Variants in EPB41L1 observed in about 807,000 individuals in gnomAD.
EPB41L1 encodes band 4.1-like protein 1.
EPB41L1 carries 29 observed loss-of-function variants against 97.8 expected under a neutral mutation model. The ratio of observed to expected loss-of-function variants is 0.30; its 90% CI spans 0.22 to 0.40. EPB41L1 has a LOEUF of 0.40. Ranked by LOEUF, EPB41L1 falls within the 10% of genes least tolerant of loss-of-function variation. The pLI, the probability that EPB41L1 is intolerant of heterozygous loss-of-function variation, is 1.00. For missense variants in EPB41L1, 812 were observed against 1,162.3 expected, an observed-to-expected ratio of 0.70 and a Z score of 4.38; for synonymous variants, 383 against 459.2, an observed-to-expected ratio of 0.83 and a Z score of 2.12.
intron 21 of EPB41L1, among the ~76,000 whole-genome samples, chr20:36,224,435 G>A (rs1485754634): frequency 6.6e-6 from 1 of 152,148 alleles, no homozygotes; most frequent in African/African-American, 2.4e-5. Flanking sequence ...ATCACCTGAG[G>A]TCAGGAGTTT....
In EPB41L1 at chr20:36,209,910, C is replaced by A. The variant is rs772069986; in HGVS notation, c.2079+12C>A. ...TGCCCCAGTTTGAGGTACAGTGGAG[C>A]TTCCTCAAGAGCCAGGCCCGCTGGG... On this transcript the variant is annotated intron_variant, in intron 15 of 21. Coordinates refer to ENST00000338074, the MANE Select transcript of EPB41L1 (RefSeq NM_012156.2). The surrounding 1 kb of genome is among the most constrained non-coding windows in gnomAD (Gnocchi z 4.2). 22 of 1,612,520 alleles carry A rather than the reference C, an allele frequency of 1.4e-5. No individual in the cohort carries two copies. In the East Asian group the frequency reaches 1.6e-4, roughly 11 times the overall value.
chr20:36,119,699 C>T (rs2058693192), intron 2 of EPB41L1, among the ~76,000 whole-genome samples: 1 of 151,498 alleles, frequency 6.6e-6, no homozygotes, highest in African/African-American at 2.4e-5. Context: ...AGGAAAGGGA[C>T]AAGGTGGGCA....
chr20:36,204,471 CTTTTTTT>C (rs765673962), intron 14 of EPB41L1, among the ~76,000 whole-genome samples: 17 of 90,602 alleles, frequency 1.9e-4, no homozygotes, highest in African/African-American at 6.9e-4. Flanking sequence ...CGATCTGGTG[CTTTTTTT>C]TTTTTTTTTT....
chr20:36,207,175 G>C lies in EPB41L1; in HGVS notation c.1669-2313G>C, dbSNP rs1456541184. Reference sequence around the variant, plus strand: ...CTCCCATGGGTCAGGGGAGCCTTCGGAGCTCAGGGAGCCCTTTCTTAGACA... The same window carrying C: ...CTCCCATGGGTCAGGGGAGCCTTCGCAGCTCAGGGAGCCCTTTCTTAGACA... On this transcript the variant is annotated intron_variant, in intron 14 of 21. Coordinates refer to ENST00000338074, the MANE Select transcript of EPB41L1 (RefSeq NM_012156.2). This position sits in a 1 kb window ranked among gnomAD's most constrained non-coding sequence, Gnocchi z 4.9. 2.3e-6 allele frequency: 3 copies of C among 1,288,510 alleles called. No individual in the cohort carries two copies. Among genetic ancestry groups the C allele is most frequent in the Admixed American group, 4.6e-5 (2 of 43,496 alleles). 79.8% of individuals were successfully genotyped at this position (1,288,510 alleles called of 1,614,324 possible). A position where few individuals can be genotyped will look rare whatever the true frequency, so the allele number is the denominator to read the frequency against.
chr20:36,228,832 C>T (rs1381421610), intron 21 of EPB41L1, among the ~76,000 whole-genome samples: 1 of 151,500 alleles, frequency 6.6e-6, no homozygotes, highest in Non-Finnish European at 1.5e-5. Flanking sequence ...CATCTGCAAT[C>T]GTGACTAAAC....
chr20:36,184,056 G>A (rs563451639), intron 6 of EPB41L1, among the ~76,000 whole-genome samples: 11 of 152,210 alleles, frequency 7.2e-5, no homozygotes, highest in African/African-American at 2.6e-4. Flanking sequence ...GCAACGTGGC[G>A]AAACCTTGTC....
chr20:36,209,869 T>C lies in EPB41L1; in HGVS notation c.2050T>C (p.Cys684Arg), dbSNP rs755641146. The change falls in exon 15 of 22, where the codon TGC (cysteine) becomes CGC (arginine). Residue 684 changes from cysteine to arginine, a missense_variant. Coordinates refer to ENST00000338074, the MANE Select transcript of EPB41L1 (RefSeq NM_012156.2). This position sits in a 1 kb window ranked among gnomAD's most constrained non-coding sequence, Gnocchi z 4.2. ...TGAGGACAGCCCGGATCGAGGGGCC[T>C]GCTCCACCCCGGATATGCCCCAGTT... ...GIEDSPDRGA[C>R]STPDMPQFEP... 6.2e-5 allele frequency: 100 copies of C among 1,613,348 alleles called. No individual in the cohort carries two copies. The South Asian group carries it at 1.1e-3, about 18-fold the overall frequency.
chr20:36,127,422 G>A (rs1010611878), intron 2 of EPB41L1, among the ~76,000 whole-genome samples: 1 of 152,168 alleles, frequency 6.6e-6, no homozygotes, highest in Admixed American at 6.5e-5. Context: ...CTTCCCTGAG[G>A]TGAGAGACGA....
At chr20:36,130,815 C>CTT (rs1555836418) in intron 2 of EPB41L1, among the ~76,000 whole-genome samples, 1 of 149,060 alleles carries the variant, frequency 6.7e-6, no homozygotes, top group Non-Finnish European at 1.5e-5. Context: ...CTCTCTCTCT[C>CTT]TTTTTTTCCC....
chr20:36,112,079 C>T (rs544945215), intron 1 of EPB41L1, among the ~76,000 whole-genome samples: 1 of 152,244 alleles, frequency 6.6e-6, no homozygotes, highest in Admixed American at 6.5e-5. Flanking sequence ...ATCATATCTC[C>T]GCTGGATAAT....
intron 21 of EPB41L1, among the ~76,000 whole-genome samples, chr20:36,223,312 G>A (rs2063902272): frequency 6.6e-6 from 1 of 152,230 alleles, no homozygotes; most frequent in African/African-American, 2.4e-5. Context: ...GGGATTACAG[G>A]CATGAGCCAC....
intron 2 of EPB41L1, among the ~76,000 whole-genome samples, chr20:36,146,848 GAA>G (rs746670753): frequency 7.5e-6 from 1 of 133,420 alleles, no homozygotes. Context: ...CTGTTGAAAA[GAA>G]AAAAAAAAAA....
intron 1 of EPB41L1, among the ~76,000 whole-genome samples, chr20:36,109,189 C>A (rs548580250): frequency 1.6e-4 from 24 of 152,132 alleles, no homozygotes; most frequent in African/African-American, 5.8e-4. Flanking sequence ...CGTCATGATC[C>A]GCCTGCCTCG....
chr20:36,116,957 T>C (rs540565499), intron 2 of EPB41L1, among the ~76,000 whole-genome samples: 2 of 152,322 alleles, frequency 1.3e-5, no homozygotes, highest in South Asian at 4.1e-4. Flanking sequence ...AGTCAGGGGT[T>C]TTATTACCCC....
rs926083091 is a variant in EPB41L1 at position 36,092,385 on chromosome 20, A to T, written c.-65+773A>T. ...CGCAGCTCAGGTTGACGCCGGGCCC[A>T]CGTGGGGAAGCCGGCGGCGGGTCCC... On this transcript the variant is annotated intron_variant, in intron 1 of 19. Transcript: ENST00000202028. This position sits in a 1 kb window ranked among gnomAD's most constrained non-coding sequence, Gnocchi z 7.0. Among the ~76,000 whole-genome samples the T allele has an allele frequency of 6.6e-6, 1 of 151,856 alleles. No individual in the cohort carries two copies. The highest frequency in any genetic ancestry group is 1.5e-5 in the Non-Finnish European group (1 of 67,930).
At chr20:36,153,303 C>T (rs2060132517), upstream of EPB41L1, among the ~76,000 whole-genome samples, 1 of 151,710 alleles carries the variant, frequency 6.6e-6, no homozygotes, top group South Asian at 2.1e-4. Flanking sequence ...GTGCCTGGCT[C>T]TATAGTGTGT....
intron 18 of EPB41L1, 136 bp downstream of exon 18, chr20:36,219,098 C>G: frequency 1.1e-6 from 1 of 918,174 alleles, no homozygotes; most frequent in Non-Finnish European, 1.7e-6. Flanking sequence ...AAACTGGACC[C>G]TTTTCAGATG....
At chr20:36,112,261 A>G (rs1335349758) in intron 1 of EPB41L1, among the ~76,000 whole-genome samples, 1 of 152,022 alleles carries the variant, frequency 6.6e-6, no homozygotes, top group Non-Finnish European at 1.5e-5. Flanking sequence ...CATATTTGTT[A>G]CTTTCTATTT....
intron 14 of EPB41L1, among the ~76,000 whole-genome samples, chr20:36,203,740 C>G (rs1429153423): frequency 1.3e-5 from 2 of 152,194 alleles, no homozygotes; most frequent in African/African-American, 4.8e-5. Flanking sequence ...AGCTCAGAAA[C>G]CCACCCCAGA....
Sources: gnomAD v4.1 joint callset for allele counts (sites outside exome capture counted in the v4.1 genomes callset) on GRCh38, gnomAD v4.1.1 for gene constraint, Gnocchi (gnomAD v3.1) non-coding constraint, MANE v1.5 for transcripts, NCBI Gene and HGNC (gene_info 2026-07-23, HGNC 2026-07-21) for gene names.